The following DLGAP2 variants were observed in gnomAD, a reference collection of about 807,000 sequenced individuals.
The protein encoded by DLGAP2 is DLG associated protein 2.
A neutral mutation model predicts 100.3 loss-of-function variants in DLGAP2; 26 were observed. The observed-to-expected ratio is 0.26, with a 90% confidence interval of 0.19 to 0.36. The LOEUF is 0.36. DLGAP2 is among the 10% of genes least tolerant of loss of function. The pLI is 1.00. For synonymous variants in DLGAP2, 886 were observed against 630.1 expected (o/e 1.41, Z -6.08); for missense variants, 1,858 against 1,453.2 (o/e 1.28, Z -4.53).
chr8:803,597 C>T (rs1796212360), intron 1 of DLGAP2, among the ~76,000 whole-genome samples: 1 of 151,996 alleles, frequency 6.6e-6, no homozygotes, highest in South Asian at 2.1e-4. Context: ...GCCCGGCATT[C>T]TGCTTTTAAG....
At chr8:1,181,344 A>G (rs955569675) in intron 2 of DLGAP2, among the ~76,000 whole-genome samples, 1 of 152,256 alleles carries the variant, frequency 6.6e-6, no homozygotes, top group Non-Finnish European at 1.5e-5. Context: ...GCACTGTTTG[A>G]TCTTTAACAA....
At chr8:1,486,152 C>T (rs1799230994) in intron 3 of DLGAP2, among the ~76,000 whole-genome samples, 1 of 152,152 alleles carries the variant, frequency 6.6e-6, no homozygotes, top group Non-Finnish European at 1.5e-5. Flanking sequence ...TCAGAACCAC[C>T]CTTGGCACAA....
chr8:1,092,938 A>G (rs1046289052), intron 2 of DLGAP2, among the ~76,000 whole-genome samples: 1 of 152,176 alleles, frequency 6.6e-6, no homozygotes, highest in African/African-American at 2.4e-5. Flanking sequence ...GTGTTTGTGG[A>G]TAAAGAGAGA....
chr8:1,052,111 C>T (rs568183376), intron 2 of DLGAP2, among the ~76,000 whole-genome samples: 1 of 152,274 alleles, frequency 6.6e-6, no homozygotes, highest in East Asian at 1.9e-4. Context: ...CCTGGTGTTG[C>T]AGCCCCAGAG....
In DLGAP2 at chr8:1,440,656, G is replaced by A. The variant is rs1012554929; in HGVS notation, c.107-60710G>A. Among the ~76,000 whole-genome samples, 4 of 152,342 alleles carry A rather than the reference G, an allele frequency of 2.6e-5. No homozygotes were observed. In the East Asian group the frequency reaches 5.8e-4, roughly 22 times the overall value. On this transcript the variant is annotated intron_variant, in intron 3 of 14. Coordinates refer to ENST00000637795, the MANE Select transcript of DLGAP2 (RefSeq NM_001346810.2). ...TAAAAATCCTGCTGAACTAGTGACC[G>A]GCTGAGCGTGGATTGTCGGGTGAGC...
chr8:1,011,230 G>A (rs1401037311), intron 2 of DLGAP2, among the ~76,000 whole-genome samples: 27 of 144,236 alleles, frequency 1.9e-4, no homozygotes, highest in South Asian at 4.5e-4. Flanking sequence ...TGGAATGAGG[G>A]GTCTCAGTCT....
At chr8:1,483,839 G>A (rs148017492) in intron 3 of DLGAP2, among the ~76,000 whole-genome samples, 225 of 152,320 alleles carry the variant, frequency 1.5e-3, no homozygotes, top group African/African-American at 5.3e-3. Context: ...AAGGGTCTGG[G>A]AGCTGTGGTT....
At chr8:1,140,781 T>C (rs1230582801) in intron 2 of DLGAP2, among the ~76,000 whole-genome samples, 2 of 152,208 alleles carry the variant, frequency 1.3e-5, no homozygotes, top group African/African-American at 4.8e-5. Context: ...GAGACCAGCC[T>C]GGCCAACAGG....
At chr8:1,127,026 C>T (rs995370967) in intron 2 of DLGAP2, among the ~76,000 whole-genome samples, 1 of 150,312 alleles carries the variant, frequency 6.7e-6, no homozygotes, top group African/African-American at 2.5e-5. Flanking sequence ...CCACCCTGTC[C>T]CCAGCCCAGC....
chr8:982,755 A>G (rs1167591267), intron 2 of DLGAP2, among the ~76,000 whole-genome samples: 1 of 152,168 alleles, frequency 6.6e-6, no homozygotes, highest in African/African-American at 2.4e-5. Context: ...CTCGGACCTA[A>G]AGCAGCTGGG....
intron 3 of DLGAP2, among the ~76,000 whole-genome samples, chr8:1,353,816 T>C (rs1015280573): frequency 6.6e-6 from 1 of 152,176 alleles, no homozygotes; most frequent in Non-Finnish European, 1.5e-5. Flanking sequence ...TTGCAATACA[T>C]TGACACAAAA....
intron 2 of DLGAP2, among the ~76,000 whole-genome samples, chr8:1,040,019 T>C (rs1200748281): frequency 6.8e-6 from 1 of 147,042 alleles, no homozygotes; most frequent in Admixed American, 6.7e-5. Flanking sequence ...CAGCTCGGTT[T>C]CCGTGGTCAG....
chr8:1,443,451 A>G (rs1287071012), intron 3 of DLGAP2, among the ~76,000 whole-genome samples: 3 of 152,204 alleles, frequency 2.0e-5, no homozygotes, highest in East Asian at 1.9e-4. Flanking sequence ...TTAATGCTTC[A>G]TGAATATATT....
chr8:1,412,366 C>T (rs945807687), intron 3 of DLGAP2, among the ~76,000 whole-genome samples: 23 of 152,228 alleles, frequency 1.5e-4, no homozygotes, highest in Non-Finnish European at 2.9e-4. Context: ...CTCCATCTCT[C>T]TTACAGATGT....
intron 2 of DLGAP2, among the ~76,000 whole-genome samples, chr8:924,877 C>T (rs746339875): frequency 3.3e-5 from 5 of 152,138 alleles, no homozygotes; most frequent in African/African-American, 7.2e-5. Context: ...TGAGCCACCG[C>T]GCCTGGCCAA....
At chr8:779,502 C>T (rs890093964) in intron 1 of DLGAP2, among the ~76,000 whole-genome samples, 16 of 147,586 alleles carry the variant, frequency 1.1e-4, no homozygotes, top group Admixed American at 4.1e-4. Flanking sequence ...CTTGCTCTGT[C>T]GCCCAGGCTG....
chr8:1,626,551 GGT>G (rs1797505521), intron 6 of DLGAP2, among the ~76,000 whole-genome samples, 187 bp from the exon 7 acceptor site: 8 of 148,692 alleles, frequency 5.4e-5, no homozygotes, highest in African/African-American at 1.7e-4. Flanking sequence ...TCTGGGTGTG[GGT>G]TGGACGGCTG....
intron 7 of DLGAP2, among the ~76,000 whole-genome samples, 192 bp downstream of exon 7, chr8:1,627,079 A>G (rs1797524922): frequency 6.6e-6 from 1 of 152,178 alleles, no homozygotes; most frequent in Non-Finnish European, 1.5e-5. Context: ...TATATTTTTG[A>G]CGTGTATAAC....
chr8:998,670 C>T (rs1043741285), intron 2 of DLGAP2, among the ~76,000 whole-genome samples: 1 of 152,092 alleles, frequency 6.6e-6, no homozygotes, highest in African/African-American at 2.4e-5. Context: ...CTGCATGGGT[C>T]ATGAGGGTTT....
Sources: gnomAD v4.1 joint callset for allele counts (sites outside exome capture counted in the v4.1 genomes callset) on GRCh38, gnomAD v4.1.1 for gene constraint, MANE v1.5 for transcripts, NCBI Gene and HGNC (gene_info 2026-07-23, HGNC 2026-07-21) for gene names.